TRIM24: variants seen among roughly 807,000 people sequenced by gnomAD.
TRIM24 encodes the protein transcription intermediary factor 1-alpha.
In TRIM24, 29 loss-of-function variants were observed where a neutral mutation model predicts 123.9. The observed-to-expected ratio is 0.23, with a 90% CI of 0.17 to 0.32. The LOEUF (loss-of-function observed/expected upper bound fraction) is 0.32, where lower values mean the gene tolerates loss of function less well. TRIM24 is among the 10% of genes least tolerant of loss of function. The pLI is 1.00. For missense variants in TRIM24, 932 were observed against 1,295.3 expected (o/e 0.72, Z 4.31); for synonymous variants, 456 against 461.1 (o/e 0.99, Z 0.14).
At chr7:138,524,292 T>C (rs1162928543) in intron 4 of TRIM24, among the ~76,000 whole-genome samples, 2 of 152,166 alleles carry the variant, frequency 1.3e-5, no homozygotes, top group Admixed American at 6.5e-5. Context: ...ATTGAAAGTC[T>C]TTGCATTGAG....
intron 1 of TRIM24, among the ~76,000 whole-genome samples, chr7:138,476,997 T>C (rs576946911): frequency 2.0e-5 from 3 of 152,306 alleles, no homozygotes; most frequent in African/African-American, 7.2e-5. Flanking sequence ...AATTCCATGA[T>C]GTACTGTTAA....
Position 138,585,073 on chromosome 7 carries a change from C to A in TRIM24, c.*122C>A. On this transcript the variant is annotated 3_prime_UTR_variant, in exon 19 of 19. Coordinates refer to ENST00000343526, the MANE Select transcript of TRIM24 (RefSeq NM_015905.3). The stretch of plus-strand genomic sequence containing the variant: ...TGACTATTCTCATCTCTGTTTTGGA[C>A]GTTTACTAGACTTTGATTTCCTTAA... 1.3e-6 allele frequency: 1 copy of A among 793,452 alleles called. No individual in the cohort carries two copies. The highest frequency in any genetic ancestry group is 1.9e-6 in the Non-Finnish European group (1 of 526,470). 49.2% of individuals were successfully genotyped at this position (793,452 alleles called of 1,614,324 possible).
rs1318790099 is a variant in TRIM24, at chr7:138,585,774, A to G, written c.*823A>G. The G allele has an allele frequency of 3.8e-6, 2 of 521,978 alleles. No homozygotes were observed. Among genetic ancestry groups the G allele is most frequent in the East Asian group, 1.0e-4 (2 of 19,204 alleles). 32.3% of individuals were successfully genotyped at this position (521,978 alleles called of 1,614,324 possible). ...ATTGTACAGGTGATCCTTTTACAAC[A>G]AGCCTCATTGTTTGCAGTATAGCTT... On this transcript the variant is annotated 3_prime_UTR_variant, in exon 19 of 19. Coordinates refer to ENST00000343526, the MANE Select transcript of TRIM24 (RefSeq NM_015905.3).
At chr7:138,507,212 A>C (rs1410266393) in intron 2 of TRIM24, among the ~76,000 whole-genome samples, 1 of 152,170 alleles carries the variant, frequency 6.6e-6, no homozygotes, top group Non-Finnish European at 1.5e-5. Flanking sequence ...AGCATTACTA[A>C]AGAAACAGTT....
rs1218926959 is a variant in TRIM24 at position 138,578,561 on chromosome 7, T to TGCGCGC, written c.2257-642_2257-641insCGCGCG. Among the ~76,000 whole-genome samples, 68 of 99,604 alleles carry TGCGCGC rather than the reference T, an allele frequency of 6.8e-4. 1 individual carries two copies. The highest frequency in any genetic ancestry group is 3.8e-3 in the Admixed American group (34 of 8,936). The allele number at this position is 99,604 out of a possible 152,430, so 65.3% of individuals were successfully genotyped here. ...GTGTGTGTGTGTGTGTGTGTGTGTG[T>TGCGCGC]GTGCGCGCACGCACGAATGGAAGCA... On this transcript the variant is annotated intron_variant, in intron 14 of 18. Transcript: ENST00000343526.
intron 1 of TRIM24, among the ~76,000 whole-genome samples, chr7:138,471,185 A>G (rs1405309554): frequency 2.0e-5 from 3 of 152,234 alleles, no homozygotes. Context: ...TTAGTTGACA[A>G]TAGTGTGAAG....
chr7:138,524,209 G>C (rs192747496), intron 4 of TRIM24, among the ~76,000 whole-genome samples: 1 of 151,998 alleles, frequency 6.6e-6, no homozygotes, highest in Non-Finnish European at 1.5e-5. Flanking sequence ...TAGCAAACTA[G>C]AAATAAAAAA....
chr7:138,571,813 CT>C (rs1359120185), intron 11 of TRIM24, among the ~76,000 whole-genome samples: 2 of 152,166 alleles, frequency 1.3e-5, no homozygotes, highest in Non-Finnish European at 2.9e-5. Context: ...TGAAGGGATC[CT>C]CCTGCCTTGG....
intron 6 of TRIM24, among the ~76,000 whole-genome samples, chr7:138,531,276 G>A (rs1375852666): frequency 2.7e-5 from 4 of 148,128 alleles, no homozygotes; most frequent in African/African-American, 1.1e-4. Flanking sequence ...GTTTACATGT[G>A]TTACATATGT....
At chr7:138,531,200 T>C (rs557747272) in intron 6 of TRIM24, among the ~76,000 whole-genome samples, 1 of 148,262 alleles carries the variant, frequency 6.7e-6, no homozygotes, top group South Asian at 2.1e-4. Flanking sequence ...TATACATGTA[T>C]ACATGTATAC....
intron 10 of TRIM24, among the ~76,000 whole-genome samples, chr7:138,568,652 G>A (rs1367733286): frequency 6.6e-6 from 1 of 151,908 alleles, no homozygotes; most frequent in African/African-American, 2.4e-5. Flanking sequence ...CTCCCAAAGT[G>A]CTGGGATTAC....
In TRIM24 at chr7:138,554,550, T is replaced by G. The variant is rs1797277235; in HGVS notation, c.1262-148T>G. The G allele has an allele frequency of 6.2e-6, 4 of 648,028 alleles. No homozygotes were observed. The highest frequency in any genetic ancestry group is 1.0e-5 in the Non-Finnish European group (4 of 395,470). 40.1% of individuals were successfully genotyped at this position (648,028 alleles called of 1,614,324 possible). On this transcript the variant is annotated intron_variant, in intron 8 of 18. Transcript: ENST00000343526. The surrounding 1 kb of genome is among the most constrained non-coding windows in gnomAD (Gnocchi z 4.5). ...AGAAGTTAGATGAACAAAAGCTGTT[T>G]GGGGGTTCTCTTTCAGAGTGTTAAA...
Position 138,580,606 on chromosome 7 carries a change from A to G in TRIM24, c.2630A>G (p.Glu877Gly). 6.2e-7 allele frequency: 1 copy of G among 1,613,878 alleles called. No homozygotes were observed. The highest frequency in any genetic ancestry group is 8.5e-7 in the Non-Finnish European group (1 of 1,179,888). The change falls in exon 16 of 19, where the codon GAA becomes GGA. Residue 877 changes from glutamate (E) to glycine (G), a missense_variant. Physicochemically the swap from Glu to Gly is moderately conservative, Grantham distance 98. This residue lies in a region of TRIM24 where 45 missense variants were observed against 56.6 expected (regional missense o/e 0.80). Transcript: ENST00000343526. ...CTFCRDLSKP[E>G]VEYDCDAPSH... ...TTCTGCCGAGACTTATCTAAACCAGAAGTTGAATATGATTGTGATGCTCCC... is the reference window on the plus strand; with the variant it reads ...TTCTGCCGAGACTTATCTAAACCAGGAGTTGAATATGATTGTGATGCTCCC...
At chr7:138,479,154 G>A (rs1012640881) in intron 1 of TRIM24, among the ~76,000 whole-genome samples, 1 of 151,926 alleles carries the variant, frequency 6.6e-6, no homozygotes, top group Non-Finnish European at 1.5e-5. Context: ...TTGTTGAAGA[G>A]GTCTCCCCAC....
At chr7:138,467,197 T>A (rs1420143795) in intron 1 of TRIM24, among the ~76,000 whole-genome samples, 1 of 152,254 alleles carries the variant, frequency 6.6e-6, no homozygotes, top group African/African-American at 2.4e-5. Flanking sequence ...TTCAAAATTC[T>A]TATGATTCTT....
intron 6 of TRIM24, among the ~76,000 whole-genome samples, chr7:138,534,492 A>G (rs1017126817): frequency 3.9e-5 from 6 of 152,196 alleles, no homozygotes; most frequent in Non-Finnish European, 8.8e-5. Flanking sequence ...ATTCAGGAGC[A>G]GGTTGTTCAG....
At chr7:138,533,476 G>A (rs7794786) in intron 6 of TRIM24, among the ~76,000 whole-genome samples, 68,227 of 152,030 alleles carry the variant, frequency 0.45, 16,116 homozygotes, top group African/African-American at 0.52. Context: ...AGATAATCAT[G>A]TAGTTTTTGT....
At chr7:138,504,240 T>A (rs769900493) in intron 1 of TRIM24, 50 bp from the exon 2 acceptor site, 42 of 1,242,354 alleles carry the variant, frequency 3.4e-5, no homozygotes, top group East Asian at 7.5e-5. Flanking sequence ...ATTGGTTAAG[T>A]ACTCAGTATA....
intron 9 of TRIM24, among the ~76,000 whole-genome samples, chr7:138,557,570 G>A (rs1217191610): frequency 2.0e-5 from 3 of 152,162 alleles, no homozygotes; most frequent in Non-Finnish European, 2.9e-5. Context: ...ACCAGCCCCC[G>A]AAGAGGGTAT....
Sources: allele counts gnomAD v4.1 joint callset (sites outside exome capture counted in the v4.1 genomes callset), GRCh38; gene constraint gnomAD v4.1.1; regional missense constraint gnomAD v4.1.1; non-coding constraint Gnocchi (gnomAD v3.1); transcripts MANE v1.5; gene names NCBI Gene and HGNC (gene_info 2026-07-23, HGNC 2026-07-21).